NECAB1: variants seen among roughly 807,000 people sequenced by gnomAD.
NECAB1 encodes N-terminal EF-hand calcium binding protein 1.
In NECAB1, 29 loss-of-function variants were observed where a neutral mutation model predicts 57.5. The observed-to-expected ratio is 0.50, with a 90% CI of 0.38 to 0.69. The LOEUF (loss-of-function observed/expected upper bound fraction) is 0.69. Ranked by LOEUF, NECAB1 falls within the 30% of genes least tolerant of loss-of-function variation. The pLI is 0.00. For synonymous variants in NECAB1, 142 were observed against 147.7 expected (o/e 0.96, Z 0.28); for missense variants, 372 against 413.8 (o/e 0.90, Z 0.88).
chr8:90,820,997 G>C (rs1168662333), intron 2 of NECAB1, among the ~76,000 whole-genome samples: 1 of 151,832 alleles, frequency 6.6e-6, no homozygotes, highest in East Asian at 1.9e-4. Context: ...AAAGGAATTA[G>C]TTGGTACTTC....
At chr8:90,883,514 T>G (rs550477570) in intron 5 of NECAB1, among the ~76,000 whole-genome samples, 1 of 152,304 alleles carries the variant, frequency 6.6e-6, no homozygotes, top group Non-Finnish European at 1.5e-5. Flanking sequence ...TACAAGCCTT[T>G]TGTGATCTAT....
At chr8:90,868,394 A>G (rs1463219465) in intron 3 of NECAB1, among the ~76,000 whole-genome samples, 2 of 152,184 alleles carry the variant, frequency 1.3e-5, no homozygotes, top group African/African-American at 4.8e-5. Flanking sequence ...TCAGAAGAAG[A>G]CAGGAAGATG....
chr8:90,868,777 A>G (rs903837089), intron 3 of NECAB1, among the ~76,000 whole-genome samples: 2 of 152,382 alleles, frequency 1.3e-5, no homozygotes, highest in Middle Eastern at 3.4e-3. Context: ...TCCATGTGGT[A>G]GAAAAGAAAA....
At chr8:90,850,321 G>T (rs1430731031) in intron 3 of NECAB1, among the ~76,000 whole-genome samples, 1 of 152,204 alleles carries the variant, frequency 6.6e-6, no homozygotes, top group Non-Finnish European at 1.5e-5. Context: ...AATGCCCCTT[G>T]ATCATAATCT....
intron 3 of NECAB1, among the ~76,000 whole-genome samples, chr8:90,842,627 T>G (rs148205837): frequency 6.6e-6 from 1 of 152,250 alleles, no homozygotes; most frequent in Non-Finnish European, 1.5e-5. Flanking sequence ...CCTGCCATTG[T>G]GCACCATTAG....
At chr8:90,917,872 G>A (rs61335550) in intron 6 of NECAB1, among the ~76,000 whole-genome samples, 889 of 46,810 alleles carry the variant, frequency 0.019, 11 homozygotes, top group Non-Finnish European at 0.022. Flanking sequence ...ATATATATAT[G>A]TGTGTGTGTG....
In NECAB1 at chr8:90,801,988, A is replaced by G. The variant is rs754402640; in HGVS notation, c.124+273A>G. ...TTTTCCTTTTCATGCACCAAAAAAT[A>G]ATTTTGCAGCAATAGCAGCTTCTAT... On this transcript the variant is annotated intron_variant, in intron 2 of 12. Transcript: ENST00000417640. 2.6e-5 allele frequency among the ~76,000 whole-genome samples: 4 copies of G among 152,178 alleles called. No homozygotes were observed. The East Asian group carries it at 5.8e-4, about 22-fold the overall frequency.
intron 8 of NECAB1, among the ~76,000 whole-genome samples, chr8:90,930,299 CA>C (rs1365956876): frequency 2.0e-5 from 3 of 152,110 alleles, no homozygotes; most frequent in African/African-American, 7.2e-5. Flanking sequence ...GGGTTAAGAA[CA>C]GGGGGAGCTC....
chr8:90,864,803 G>A (rs1808478994), intron 3 of NECAB1, among the ~76,000 whole-genome samples: 1 of 152,126 alleles, frequency 6.6e-6, no homozygotes, highest in Non-Finnish European at 1.5e-5. Context: ...CATGGCTTAT[G>A]TCATCTTACC....
In NECAB1 at chr8:90,949,900, G is replaced by C; in HGVS notation, c.938+16G>C. On this transcript the variant is annotated intron_variant, in intron 11 of 12. Coordinates refer to ENST00000417640, the MANE Select transcript of NECAB1 (RefSeq NM_022351.5). ...TATGGAATAGGTAAGTTGTGAGCAA[G>C]CCTGATTTTATGTGAAGCCAGGAAG... is the stretch of plus-strand genomic sequence containing the variant. 2 of 1,534,922 alleles carry C rather than the reference G, an allele frequency of 1.3e-6. No homozygotes were observed. Among genetic ancestry groups the C allele is most frequent in the Non-Finnish European group, 1.8e-6 (2 of 1,121,420 alleles).
intron 3 of NECAB1, among the ~76,000 whole-genome samples, chr8:90,835,350 C>T (rs1052215623): frequency 7.2e-5 from 11 of 152,068 alleles, no homozygotes; most frequent in African/African-American, 2.7e-4. Context: ...CACTCAATGC[C>T]ATAAAAAGCA....
chr8:90,941,936 C>T (rs1479833330), intron 10 of NECAB1, among the ~76,000 whole-genome samples: 1 of 152,132 alleles, frequency 6.6e-6, no homozygotes, highest in Non-Finnish European at 1.5e-5. Context: ...TCATAATGCT[C>T]TTCAAATGTT....
intron 3 of NECAB1, among the ~76,000 whole-genome samples, chr8:90,830,373 A>G (rs561324542): frequency 4.6e-5 from 7 of 152,114 alleles, no homozygotes; most frequent in Non-Finnish European, 1.0e-4. Context: ...CAAGTGTGGT[A>G]TGACTGAGAG....
At chr8:90,930,518 T>A (rs961860063) in intron 8 of NECAB1, among the ~76,000 whole-genome samples, 1 of 152,138 alleles carries the variant, frequency 6.6e-6, no homozygotes, top group South Asian at 2.1e-4. Context: ...GGCCAACAGG[T>A]TAAGGTATTT....
chr8:90,906,891 A>ATATATATATATATGTATATATATATG (rs371995508), intron 5 of NECAB1, among the ~76,000 whole-genome samples: 1,250 of 113,346 alleles, frequency 0.011, 59 homozygotes, highest in African/African-American at 0.044. Flanking sequence ...ATATATATAT[A>ATATATATATATATGTATATATATATG]TATATATATA....
intron 2 of NECAB1, among the ~76,000 whole-genome samples, chr8:90,805,501 T>G (rs1254740614): frequency 6.6e-6 from 1 of 151,594 alleles, no homozygotes; most frequent in African/African-American, 2.4e-5. Context: ...TGGAGAGATT[T>G]TTTTGGTTGG....
intron 10 of NECAB1, among the ~76,000 whole-genome samples, chr8:90,945,517 T>C (rs1050731832): frequency 1.4e-4 from 21 of 152,182 alleles, no homozygotes; most frequent in Non-Finnish European, 1.8e-4. Flanking sequence ...TCAGTAATTA[T>C]ATAGACGAAA....
intron 5 of NECAB1, among the ~76,000 whole-genome samples, chr8:90,893,633 C>A (rs1809245725): frequency 6.6e-6 from 1 of 152,076 alleles, no homozygotes. Flanking sequence ...GATTGCTTGT[C>A]CAGAGCAACA....
intron 3 of NECAB1, among the ~76,000 whole-genome samples, chr8:90,827,315 C>T (rs1404817704): frequency 6.6e-6 from 1 of 151,940 alleles, no homozygotes; most frequent in African/African-American, 2.4e-5. Flanking sequence ...TAACCTGGAC[C>T]AAAACAGTCA....
Sources: gnomAD v4.1 joint callset for allele counts (sites outside exome capture counted in the v4.1 genomes callset) on GRCh38, gnomAD v4.1.1 for gene constraint, MANE v1.5 for transcripts, NCBI Gene and HGNC (gene_info 2026-07-23, HGNC 2026-07-21) for gene names.